AMPH: variants seen among roughly 807,000 people sequenced by gnomAD.
AMPH encodes amphiphysin (Stiff-Mann syndrome with breast cancer 128kD autoantigen).
In AMPH, 49 loss-of-function variants were observed where a neutral mutation model predicts 99.1. That is an observed-to-expected ratio of 0.49 (90% CI 0.39 to 0.63). AMPH has a LOEUF of 0.63. Ranked by LOEUF, AMPH falls within the 20% of genes least tolerant of loss-of-function variation. The probability of loss-of-function intolerance (pLI) is 0.00; values close to 1 mark genes in which losing one functional copy is unlikely to be tolerated. For synonymous variants in AMPH, 314 were observed against 317.3 expected (o/e 0.99, Z 0.11); for missense variants, 759 against 863.4 (o/e 0.88, Z 1.52).
At chr7:38,400,490 T>C (rs1182455197) in intron 17 of AMPH, among the ~76,000 whole-genome samples, 15 of 152,246 alleles carry the variant, frequency 9.9e-5, no homozygotes, top group Non-Finnish European at 2.2e-4. Flanking sequence ...TTTAGCAAAA[T>C]TTTCTGGAAA....
intron 17 of AMPH, among the ~76,000 whole-genome samples, chr7:38,414,201 A>G (rs763087217): frequency 2.6e-5 from 4 of 152,240 alleles, no homozygotes; most frequent in Non-Finnish European, 2.9e-5. Context: ...ATATGTATAT[A>G]TTTGTTGGTT....
chr7:38,410,267 C>T (rs1298886881), intron 17 of AMPH, among the ~76,000 whole-genome samples: 1 of 152,210 alleles, frequency 6.6e-6, no homozygotes, highest in Admixed American at 6.5e-5. Context: ...AAACAGTGAT[C>T]TGCAAATCAC....
intron 16 of AMPH, among the ~76,000 whole-genome samples, chr7:38,419,746 G>A (rs542056989): frequency 2.0e-5 from 3 of 152,240 alleles, no homozygotes; most frequent in Admixed American, 1.3e-4. Context: ...AGAAATCCAC[G>A]AGCAGATGCT....
chr7:38,519,145 G>A (rs574533124), intron 2 of AMPH, among the ~76,000 whole-genome samples: 1 of 152,352 alleles, frequency 6.6e-6, no homozygotes, highest in African/African-American at 2.4e-5. Flanking sequence ...CAGAGCCAAT[G>A]CTGGCACCAC....
intron 1 of AMPH, among the ~76,000 whole-genome samples, chr7:38,613,328 A>G (rs1793751317): frequency 6.6e-6 from 1 of 152,184 alleles, no homozygotes; most frequent in Admixed American, 6.5e-5. Flanking sequence ...CATACCTACC[A>G]CGGCATAGGA....
chr7:38,619,757 A>G lies in AMPH; in HGVS notation c.69+11526T>C, dbSNP rs1793991471. Among the ~76,000 whole-genome samples the G allele has an allele frequency of 6.6e-5, 10 of 152,352 alleles. No individual in the cohort carries two copies. In the South Asian group the frequency reaches 2.1e-3, roughly 32 times the overall value. The stretch of plus-strand genomic sequence containing the variant: ...CAATATACATCCCCAGGAGAGCCCT[A>G]CAAGGACTTAGGTCTCAACCTATAG... On this transcript the variant is annotated intron_variant, in intron 1 of 20. Coordinates refer to ENST00000356264, the MANE Select transcript of AMPH (RefSeq NM_001635.4).
At chr7:38,495,689 T>C (rs1788907104) in intron 3 of AMPH, among the ~76,000 whole-genome samples, 3 of 152,104 alleles carry the variant, frequency 2.0e-5, no homozygotes, top group Non-Finnish European at 4.4e-5. Flanking sequence ...TTTAAAACTA[T>C]GAATGAAGTT....
At position 38,465,555 on chromosome 7, in the gene AMPH, G is replaced by C. The variant is rs1254312540; in HGVS notation, c.667-6C>G. 2 of 1,573,508 alleles carry C rather than the reference G, an allele frequency of 1.3e-6. No homozygotes were observed. The highest frequency in any genetic ancestry group is 1.7e-6 in the Non-Finnish European group (2 of 1,157,396). ...TCATACAGTTTGTGGCAAAGCTAAG[G>C]GGACAGAGGCCACTTGTCTATTAGT... On this transcript the variant is annotated splice_region_variant and splice_polypyrimidine_tract_variant and intron_variant, in intron 8 of 20. Transcript: ENST00000356264.
Position 38,422,371 on chromosome 7 carries a change from T to G in AMPH, c.1272+50A>C, listed in dbSNP as rs780165193. ...GCCTAGAATGATCAGCTTTAGAACA[T>G]TCAGTGATAACTAACAACTTCCTGA... On this transcript the variant is annotated intron_variant, in intron 16 of 20. Coordinates refer to ENST00000356264, the MANE Select transcript of AMPH (RefSeq NM_001635.4). 12 of 1,465,560 alleles carry G rather than the reference T, an allele frequency of 8.2e-6. No homozygotes were observed. In the South Asian group the frequency reaches 1.4e-4, roughly 17 times the overall value. 90.8% of individuals were successfully genotyped at this position (1,465,560 alleles called of 1,614,324 possible). A position where few individuals can be genotyped will look rare whatever the true frequency, so the allele number is the denominator to read the frequency against.
chr7:38,609,919 G>A (rs554649031), intron 1 of AMPH, among the ~76,000 whole-genome samples: 11 of 151,990 alleles, frequency 7.2e-5, no homozygotes, highest in African/African-American at 2.7e-4. Context: ...GTAAAAGGAG[G>A]AAAGCACATA....
At chr7:38,532,715 C>T (rs1439885472) in intron 2 of AMPH, among the ~76,000 whole-genome samples, 1 of 150,194 alleles carries the variant, frequency 6.7e-6, no homozygotes, top group African/African-American at 2.5e-5. Flanking sequence ...AAACAATCCT[C>T]ACCTGGGGCA....
At chr7:38,580,988 A>C (rs748647711) in intron 1 of AMPH, among the ~76,000 whole-genome samples, 1 of 152,202 alleles carries the variant, frequency 6.6e-6, no homozygotes, top group Admixed American at 6.5e-5. Flanking sequence ...ATGTTTATAA[A>C]TTATTTCTCA....
chr7:38,384,327 T>C lies in AMPH; in HGVS notation c.*491A>G, dbSNP rs1369362710. 6.3e-6 allele frequency: 1 copy of C among 158,546 alleles called. No individual in the cohort carries two copies. Among genetic ancestry groups the C allele is most frequent in the Non-Finnish European group, 1.4e-5 (1 of 71,128 alleles). The allele number at this position is 158,546 out of a possible 1,614,324, so 9.8% of individuals were successfully genotyped here. A position where few individuals can be genotyped will look rare whatever the true frequency, so the allele number is the denominator to read the frequency against. ...GTGTGTCCATATATATATAGATGTG[T>C]TGGAAAAGAACATTGAGAACTTTTG... On this transcript the variant is annotated 3_prime_UTR_variant, in exon 21 of 21. Coordinates refer to ENST00000356264, the MANE Select transcript of AMPH (RefSeq NM_001635.4).
chr7:38,438,244 C>T (rs1786368011), intron 11 of AMPH, among the ~76,000 whole-genome samples: 1 of 152,186 alleles, frequency 6.6e-6, no homozygotes, highest in South Asian at 2.1e-4. Context: ...GCCTTTAAAG[C>T]ATTTATCTTG....
chr7:38,429,586 T>G, intron 14 of AMPH: 1 of 1,448,146 alleles, frequency 6.9e-7, no homozygotes, highest in South Asian at 1.3e-5. Flanking sequence ...GTCTTTAAAG[T>G]ATGCAGAAGA....
intron 1 of AMPH, among the ~76,000 whole-genome samples, chr7:38,541,705 A>T (rs758252345): frequency 7.9e-5 from 12 of 152,238 alleles, no homozygotes; most frequent in Non-Finnish European, 1.5e-4. Context: ...TCCCATTTGA[A>T]TGGCCTTCAG....
intron 15 of AMPH, 65 bp downstream of exon 15, chr7:38,426,889 A>C: frequency 6.6e-7 from 1 of 1,507,028 alleles, no homozygotes; most frequent in Non-Finnish European, 9.2e-7. Context: ...AGAGAACCAA[A>C]CCACATTGAA....
At chr7:38,407,076 ATG>A (rs70975098) in intron 17 of AMPH, among the ~76,000 whole-genome samples, 691 of 19,620 alleles carry the variant, frequency 0.035, 19 homozygotes, top group Non-Finnish European at 0.038. Context: ...ATATATATAT[ATG>A]TGTGTGTGTG....
chr7:38,484,902 T>C (rs1418029555), intron 5 of AMPH, among the ~76,000 whole-genome samples: 1 of 151,954 alleles, frequency 6.6e-6, no homozygotes, highest in Non-Finnish European at 1.5e-5. Flanking sequence ...TTAATTTAGT[T>C]CTTAGCTTAA....
Sources: gnomAD v4.1 joint callset for allele counts (sites outside exome capture counted in the v4.1 genomes callset) on GRCh38, gnomAD v4.1.1 for gene constraint, MANE v1.5 for transcripts, NCBI Gene and HGNC (gene_info 2026-07-23, HGNC 2026-07-21) for gene names.